PDE4B: variants seen among roughly 807,000 people sequenced by gnomAD.
The protein encoded by PDE4B is 3',5'-cyclic-AMP phosphodiesterase 4B.
A neutral mutation model predicts 82.2 loss-of-function variants in PDE4B; 20 were observed. The ratio of observed to expected loss-of-function variants is 0.24; its 90% CI spans 0.17 to 0.35. The LOEUF is 0.35. Among genes scored for constraint, PDE4B ranks in the 10% least tolerant of loss-of-function variants. PDE4B has a pLI of 1.00. For synonymous variants in PDE4B, 320 were observed against 318.9 expected (o/e 1.00, Z -0.04); for missense variants, 655 against 907.2 (o/e 0.72, Z 3.57).
At chr1:65,828,371 G>A (rs569010680) in intron 1 of PDE4B, among the ~76,000 whole-genome samples, 2 of 151,890 alleles carry the variant, frequency 1.3e-5, no homozygotes, top group African/African-American at 4.8e-5. Context: ...TCAGTCTCTC[G>A]AGTAGCTGGG....
chr1:65,900,505 G>T (rs990140451), intron 1 of PDE4B, among the ~76,000 whole-genome samples: 1 of 151,916 alleles, frequency 6.6e-6, no homozygotes, highest in African/African-American at 2.4e-5. Context: ...AATGATGTTA[G>T]TTTGACAGGA....
At chr1:66,131,598 T>TATATAG (rs1466065668) in intron 3 of PDE4B, among the ~76,000 whole-genome samples, 2 of 63,714 alleles carry the variant, frequency 3.1e-5, no homozygotes, top group African/African-American at 2.1e-4. Flanking sequence ...GCCAGATATA[T>TATATAG]ATATATATAT....
intron 3 of PDE4B, among the ~76,000 whole-genome samples, chr1:66,047,900 C>G (rs1317848913): frequency 6.6e-6 from 1 of 151,942 alleles, no homozygotes; most frequent in Non-Finnish European, 1.5e-5. Context: ...GCACTTGTGT[C>G]TTGTTAATAC....
chr1:66,130,517 C>T (rs1645919389), intron 3 of PDE4B, among the ~76,000 whole-genome samples: 2 of 151,910 alleles, frequency 1.3e-5, no homozygotes, highest in Admixed American at 6.6e-5. Context: ...ACTTAAGGAC[C>T]GAACTACACT....
chr1:66,236,702 G>A (rs2101646473), intron 3 of PDE4B, among the ~76,000 whole-genome samples: 1 of 152,246 alleles, frequency 6.6e-6, no homozygotes, highest in African/African-American at 2.4e-5. Flanking sequence ...ATGCAGAAGG[G>A]TAGACCATGA....
At chr1:65,816,120 C>T (rs1450635678) in intron 1 of PDE4B, among the ~76,000 whole-genome samples, 1 of 151,336 alleles carries the variant, frequency 6.6e-6, no homozygotes, top group Non-Finnish European at 1.5e-5. Context: ...TCTGATCAGC[C>T]TAAACATTAA....
chr1:66,203,380 T>G (rs1361464947), intron 3 of PDE4B, among the ~76,000 whole-genome samples: 3 of 152,140 alleles, frequency 2.0e-5, no homozygotes, highest in African/African-American at 7.2e-5. Flanking sequence ...ATTTCCTGAA[T>G]CTGAAGTTGG....
At chr1:66,110,215 G>A (rs534366374) in intron 3 of PDE4B, among the ~76,000 whole-genome samples, 9 of 151,886 alleles carry the variant, frequency 5.9e-5, no homozygotes, top group East Asian at 1.9e-4. Flanking sequence ...ATTGATGAGC[G>A]TTTGAGGGAA....
intron 3 of PDE4B, among the ~76,000 whole-genome samples, chr1:66,162,946 G>T (rs921246969): frequency 6.6e-6 from 1 of 152,142 alleles, no homozygotes; most frequent in African/African-American, 2.4e-5. Context: ...ATTACTTGAA[G>T]GCAAATAGTT....
chr1:66,364,161 T>C (rs1433268858), intron 12 of PDE4B, among the ~76,000 whole-genome samples: 1 of 152,188 alleles, frequency 6.6e-6, no homozygotes, highest in African/African-American at 2.4e-5. Context: ...CCTAGGTATA[T>C]ATAGAGCACT....
chr1:66,334,816 G>A lies in PDE4B; in HGVS notation c.747+2196G>A, dbSNP rs549471535. Among the ~76,000 whole-genome samples, 25 of 152,264 alleles carry A rather than the reference G, an allele frequency of 1.6e-4. No homozygotes were observed. In the East Asian group the frequency reaches 4.4e-3, roughly 27 times the overall value. On this transcript the variant is annotated intron_variant, in intron 8 of 16. Transcript: ENST00000341517. ...ATGCACCATGACACATATGATATAA[G>A]GCAATGAGGCCAGGGAGTGGTGGCT...
At position 65,873,024 on chromosome 1, in the gene PDE4B, G is replaced by A. The variant is rs190220448; in HGVS notation, c.-70-40221G>A. On this transcript the variant is annotated intron_variant, in intron 1 of 16. Transcript: ENST00000341517. ...ATTAATCTAGGGACTACTATGTGCC[G>A]AGTACTGGTGCTATGCCAAAACAAA... is the stretch of plus-strand genomic sequence containing the variant. Among the ~76,000 whole-genome samples, 38 of 152,202 alleles carry A rather than the reference G, an allele frequency of 2.5e-4. No homozygotes were observed. The East Asian group carries it at 3.5e-3, about 14-fold the overall frequency.
intron 3 of PDE4B, among the ~76,000 whole-genome samples, chr1:66,235,191 G>A (rs1368577933): frequency 6.6e-6 from 1 of 152,122 alleles, no homozygotes; most frequent in Admixed American, 6.5e-5. Flanking sequence ...TTTTGGTGAC[G>A]TTTCACGTGC....
intron 3 of PDE4B, among the ~76,000 whole-genome samples, chr1:66,003,616 T>G (rs1039856960): frequency 2.3e-4 from 35 of 152,178 alleles, no homozygotes; most frequent in Middle Eastern, 3.2e-3. Context: ...ACAAAATTAA[T>G]AAGCTGAGAC....
At chr1:66,016,405 C>A (rs931352670) in intron 3 of PDE4B, among the ~76,000 whole-genome samples, 1 of 152,172 alleles carries the variant, frequency 6.6e-6, no homozygotes, top group African/African-American at 2.4e-5. Context: ...TTTTCTGCTA[C>A]GGCACATACT....
At chr1:66,115,638 A>T (rs1645580062) in intron 3 of PDE4B, among the ~76,000 whole-genome samples, 1 of 152,256 alleles carries the variant, frequency 6.6e-6, no homozygotes, top group South Asian at 2.1e-4. Flanking sequence ...CAGTAGGCAC[A>T]TTCGCTGTCT....
chr1:66,161,968 A>T (rs1646621894), intron 3 of PDE4B, among the ~76,000 whole-genome samples: 1 of 152,222 alleles, frequency 6.6e-6, no homozygotes, highest in South Asian at 2.1e-4. Context: ...AATAATAGCC[A>T]AATTATAAAC....
chr1:66,127,649 C>T (rs1348247156), intron 3 of PDE4B, among the ~76,000 whole-genome samples: 13 of 152,034 alleles, frequency 8.6e-5, no homozygotes, highest in African/African-American at 1.4e-4. Flanking sequence ...AGAAAGCATG[C>T]GATTTCTCAA....
At chr1:66,083,780 C>T (rs1250129032) in intron 3 of PDE4B, among the ~76,000 whole-genome samples, 1 of 152,176 alleles carries the variant, frequency 6.6e-6, no homozygotes, top group Non-Finnish European at 1.5e-5. Context: ...ATCTGTAACT[C>T]TCCCTTCACT....
Sources: gnomAD v4.1 joint callset for allele counts (sites outside exome capture counted in the v4.1 genomes callset) on GRCh38, gnomAD v4.1.1 for gene constraint, MANE v1.5 for transcripts, NCBI Gene and HGNC (gene_info 2026-07-23, HGNC 2026-07-21) for gene names.